The following ARHGAP32 variants were observed in gnomAD, a reference collection of about 807,000 sequenced individuals.
ARHGAP32 encodes the protein rho GTPase-activating protein 32.
In ARHGAP32, 51 loss-of-function variants were observed where a neutral mutation model predicts 186.5. That is an observed-to-expected ratio of 0.27 (90% CI 0.22 to 0.35). The LOEUF is 0.35. Among genes scored for constraint, ARHGAP32 ranks in the 10% least tolerant of loss-of-function variants. The pLI is 1.00. For synonymous variants in ARHGAP32, 950 were observed against 964.3 expected (o/e 0.99, Z 0.27); for missense variants, 2,186 against 2,623.5 (o/e 0.83, Z 3.64).
intron 1 of ARHGAP32, among the ~76,000 whole-genome samples, chr11:129,169,815 C>T (rs1245788752): frequency 6.6e-6 from 1 of 151,992 alleles, no homozygotes; most frequent in Non-Finnish European, 1.5e-5. Flanking sequence ...TGTAAGGAAA[C>T]TCCAAGCCCA....
At chr11:129,075,797 AAT>A (rs1161465247) in intron 6 of ARHGAP32, among the ~76,000 whole-genome samples, 1 of 152,142 alleles carries the variant, frequency 6.6e-6, no homozygotes, top group Admixed American at 6.5e-5. Context: ...CAGAATTCAT[AAT>A]ATGTCTGCTC....
At chr11:129,000,908 C>T (rs1202938195) in intron 11 of ARHGAP32, among the ~76,000 whole-genome samples, 3 of 152,170 alleles carry the variant, frequency 2.0e-5, no homozygotes, top group African/African-American at 7.2e-5. Context: ...GCTTATTTCA[C>T]TTAATATAAT....
At chr11:129,225,567 T>C (rs1329929885) in intron 1 of ARHGAP32, among the ~76,000 whole-genome samples, 3 of 143,802 alleles carry the variant, frequency 2.1e-5, no homozygotes, top group Non-Finnish European at 4.7e-5. Context: ...GAATACAAAC[T>C]TTACAGATTA....
At chr11:129,215,965 G>T (rs905531762) in intron 1 of ARHGAP32, among the ~76,000 whole-genome samples, 1 of 152,158 alleles carries the variant, frequency 6.6e-6, no homozygotes, top group African/African-American at 2.4e-5. Flanking sequence ...GGCAGAGGGG[G>T]TCTGGACACA....
At position 128,973,099 on chromosome 11, in the gene ARHGAP32, G is replaced by C. The variant is rs1945439465; in HGVS notation, c.3407C>G (p.Pro1136Arg). ...AGGATCCCCAGTAGCTGTTGTCTCT[G>C]GTAGAGGATGGTCACAGTTTCCTGG... ...NAPGNCDHPL[P>R]ETTATGDPTH... is the part of the protein sequence containing the mutation. Residue 1136 changes from proline (P) to arginine (R), a missense_variant, in exon 22 of 23, where the codon CCA (proline) becomes CGA (arginine). By Grantham distance (103) the Pro-to-Arg change is moderately radical. Coordinates refer to ENST00000682385, the MANE Select transcript of ARHGAP32 (RefSeq NM_001378024.1). The C allele has an allele frequency of 6.2e-7, 1 of 1,614,050 alleles. No homozygotes were observed. The highest frequency in any genetic ancestry group is 1.3e-5 in the African/African-American group (1 of 74,922).
chr11:129,226,067 A>C (rs1251215919), intron 1 of ARHGAP32, among the ~76,000 whole-genome samples: 1 of 152,184 alleles, frequency 6.6e-6, no homozygotes, highest in East Asian at 1.9e-4. Context: ...AATTCTTCAA[A>C]TATGAAGATA....
intron 12 of ARHGAP32, chr11:128,993,385 G>C (rs1946115963): frequency 6.6e-6 from 1 of 151,906 alleles, no homozygotes; most frequent in Non-Finnish European, 1.5e-5. Context: ...GAAAAATCTA[G>C]TGCAAGGTTA....
intron 2 of ARHGAP32, among the ~76,000 whole-genome samples, chr11:129,146,534 TGATA>T (rs1943170206): frequency 6.6e-6 from 1 of 152,138 alleles, no homozygotes; most frequent in Non-Finnish European, 1.5e-5. Context: ...AATATTTAAT[TGATA>T]AACAATCTCA....
chr11:128,966,920 AC>A lies in ARHGAP32; in HGVS notation c.*1986del, dbSNP rs1293520175. ...CAAAGGTCATACTCCTGTATGTAGC[AC>A]CCAGGGTGTTTTTGTGCCAAAGGGA... On this transcript the variant is annotated 3_prime_UTR_variant, in exon 23 of 23. Transcript: ENST00000682385. 6.6e-6 allele frequency: 1 copy of A among 152,196 alleles called. No individual in the cohort carries two copies. The highest frequency in any genetic ancestry group is 1.5e-5 in the Non-Finnish European group (1 of 68,038). The allele number at this position is 152,196 out of a possible 1,614,324, so 9.4% of individuals were successfully genotyped here.
At chr11:129,131,286 TG>T (rs1402653392) in intron 2 of ARHGAP32, among the ~76,000 whole-genome samples, 1 of 152,162 alleles carries the variant, frequency 6.6e-6, no homozygotes, top group African/African-American at 2.4e-5. Context: ...CTTATGTGTG[TG>T]TGTGTTAAAC....
chr11:129,005,785 A>C (rs1937734642), intron 11 of ARHGAP32, among the ~76,000 whole-genome samples: 1 of 152,124 alleles, frequency 6.6e-6, no homozygotes, highest in Non-Finnish European at 1.5e-5. Context: ...GGATAGCGAT[A>C]TCTTTCATTT....
intron 1 of ARHGAP32, among the ~76,000 whole-genome samples, chr11:129,205,682 A>G (rs1343006231): frequency 6.6e-6 from 1 of 152,194 alleles, no homozygotes; most frequent in Non-Finnish European, 1.5e-5. Flanking sequence ...AAGGTATAAT[A>G]TAACAATAAA....
chr11:129,209,804 AAATAT>A (rs1402349918), intron 1 of ARHGAP32, among the ~76,000 whole-genome samples: 1 of 152,242 alleles, frequency 6.6e-6, no homozygotes, highest in Non-Finnish European at 1.5e-5. Flanking sequence ...ATGTTTTATC[AAATAT>A]AATAAACTTA....
chr11:129,093,891 A>G (rs1941656154), intron 5 of ARHGAP32, among the ~76,000 whole-genome samples, 184 bp from the exon 6 acceptor site: 1 of 152,162 alleles, frequency 6.6e-6, no homozygotes, highest in Non-Finnish European at 1.5e-5. Flanking sequence ...TTTCAGATAA[A>G]ATATATATCT....
In ARHGAP32 at chr11:129,104,691, A is replaced by T. The variant is rs111921661; in HGVS notation, c.445-10984T>A. ...GATAAGAAGAAAAGAAAAAACTAAA[A>T]GAGAAAGAAGATGGCCAAATGGTGT... On this transcript the variant is annotated intron_variant, in intron 5 of 22. Coordinates refer to ENST00000682385, the MANE Select transcript of ARHGAP32 (RefSeq NM_001378024.1). 1.5e-4 allele frequency among the ~76,000 whole-genome samples: 23 copies of T among 152,152 alleles called. 1 individual carries two copies. The highest frequency in any genetic ancestry group is 5.5e-4 in the African/African-American group (23 of 41,556).
At chr11:129,278,196 A>C (rs1222032194) in intron 1 of ARHGAP32, among the ~76,000 whole-genome samples, 3 of 152,266 alleles carry the variant, frequency 2.0e-5, no homozygotes, top group Non-Finnish European at 2.9e-5. Flanking sequence ...AGAATAGAAA[A>C]TAAAAGAGAT....
chr11:129,128,864 C>A (rs1359984875), intron 2 of ARHGAP32, among the ~76,000 whole-genome samples: 1 of 152,194 alleles, frequency 6.6e-6, no homozygotes, highest in Non-Finnish European at 1.5e-5. Flanking sequence ...GGATTGCAGA[C>A]GGAGTCTCGC....
intron 20 of ARHGAP32, among the ~76,000 whole-genome samples, chr11:128,975,909 T>C (rs1945529618): frequency 6.6e-6 from 1 of 151,960 alleles, no homozygotes; most frequent in South Asian, 2.1e-4. Context: ...ACTGCTTAAT[T>C]ATACACTTTA....
At chr11:129,186,881 G>A (rs757669492) in intron 1 of ARHGAP32, among the ~76,000 whole-genome samples, 8 of 152,150 alleles carry the variant, frequency 5.3e-5, no homozygotes, top group Non-Finnish European at 8.8e-5. Flanking sequence ...CGGCAACAAT[G>A]TGGAGAAATG....
Sources: allele counts gnomAD v4.1 joint callset (sites outside exome capture counted in the v4.1 genomes callset), GRCh38; gene constraint gnomAD v4.1.1; transcripts MANE v1.5; gene names NCBI Gene and HGNC (gene_info 2026-07-23, HGNC 2026-07-21).